LAMTOR1: variants seen among roughly 807,000 people sequenced by gnomAD.
LAMTOR1 encodes the protein late endosomal/lysosomal adaptor, MAPK and MTOR activator 1.
A neutral mutation model predicts 20.5 loss-of-function variants in LAMTOR1; 8 were observed. The ratio of observed to expected loss-of-function variants is 0.39; its 90% CI spans 0.23 to 0.70. LAMTOR1 has a LOEUF of 0.70. Among genes scored for constraint, LAMTOR1 ranks in the 30% least tolerant of loss-of-function variants. LAMTOR1 has a pLI of 0.43. For synonymous variants in LAMTOR1, 77 were observed against 80.9 expected (o/e 0.95, Z 0.26); for missense variants, 135 against 206.2 (o/e 0.65, Z 2.11).
Position 72,098,803 on chromosome 11 carries a change from T to G in LAMTOR1, c.244A>C (p.Met82Leu). The G allele has an allele frequency of 6.4e-7, 1 of 1,550,744 alleles. No homozygotes were observed. The highest frequency in any genetic ancestry group is 2.0e-5 in the Admixed American group (1 of 50,932). Residue 82 changes from methionine to leucine, a missense_variant, in exon 3 of 5, where the codon ATG becomes CTG. Coordinates refer to ENST00000278671, the MANE Select transcript of LAMTOR1 (RefSeq NM_017907.3). ...DSQGMEQHEY[M>L]DRARQYSTRL... ...CACCTGTACTGCCTGGCACGGTCCATGTACTCATGCTGCTCCATGCCCTGT... is the reference window on the plus strand; with the variant it reads ...CACCTGTACTGCCTGGCACGGTCCAGGTACTCATGCTGCTCCATGCCCTGT...
intron 4 of LAMTOR1, 174 bp from the exon 5 acceptor site, chr11:72,098,088 G>T: frequency 9.8e-7 from 1 of 1,025,072 alleles, no homozygotes; most frequent in Non-Finnish European, 1.4e-6. Context: ...AAAGGGGAGT[G>T]AAACAATAAA....
intron 1 of LAMTOR1, among the ~76,000 whole-genome samples, chr11:72,101,899 T>C (rs1351539343): frequency 9.2e-5 from 14 of 152,214 alleles, no homozygotes; most frequent in Admixed American, 9.2e-4. Context: ...GTCCATATTA[T>C]GCTTTAAGGG....
intron 1 of LAMTOR1, among the ~76,000 whole-genome samples, chr11:72,099,463 G>A (rs574470331): frequency 6.6e-5 from 10 of 152,346 alleles, no homozygotes; most frequent in African/African-American, 2.4e-4. Flanking sequence ...TAGGATAAAT[G>A]AGAGTGGAAC....
intron 1 of LAMTOR1, 71 bp downstream of exon 1, chr11:72,103,112 A>T (rs1320055654): frequency 6.5e-7 from 1 of 1,534,416 alleles, no homozygotes; most frequent in Non-Finnish European, 8.8e-7. Context: ...CGTCCTCCGC[A>T]GGTTTCTTTC....
At chr11:72,102,845 CAGA>C (rs1236824267) in intron 1 of LAMTOR1, among the ~76,000 whole-genome samples, 1 of 152,246 alleles carries the variant, frequency 6.6e-6, no homozygotes, top group Non-Finnish European at 1.5e-5. Flanking sequence ...CACTAATACA[CAGA>C]AGACACAGGA....
Position 72,099,142 on chromosome 11 carries a change from G to A in LAMTOR1, c.157C>T (p.Leu53=). The change falls in exon 2 of 5, where the codon CTG becomes TTG. Residue 53 remains leucine (L), a synonymous_variant. Coordinates refer to ENST00000278671, the MANE Select transcript of LAMTOR1 (RefSeq NM_017907.3). ...LPSARTDEQA[L]LSSILAKTAS... ...GTCTTGGCAAGGATGGAAGAGAGCA[G>A]GGCCTGCTCATCAGTGCGAGCGGAA... 1.9e-6 allele frequency: 3 copies of A among 1,614,010 alleles called. No individual in the cohort carries two copies. The highest frequency in any genetic ancestry group is 1.7e-6 in the Non-Finnish European group (2 of 1,179,978).
chr11:72,102,109 G>C (rs956766212), intron 1 of LAMTOR1, among the ~76,000 whole-genome samples: 1 of 152,192 alleles, frequency 6.6e-6, no homozygotes, highest in African/African-American at 2.4e-5. Context: ...ATTTTCCTAG[G>C]CTTAAGCCCT....
chr11:72,101,146 T>G (rs964498945), intron 1 of LAMTOR1, among the ~76,000 whole-genome samples: 2 of 152,200 alleles, frequency 1.3e-5, no homozygotes, highest in African/African-American at 2.4e-5. Flanking sequence ...CTTCTCAGCC[T>G]TCAGCTAAGA....
chr11:72,099,008 G>A (rs1416931768), intron 2 of LAMTOR1, 103 bp downstream of exon 2: 11 of 1,496,132 alleles, frequency 7.4e-6, no homozygotes, highest in Non-Finnish European at 1.0e-5. Context: ...CCTCTCCCCA[G>A]TGACCTTGTC....
At chr11:72,100,920 T>G (rs1477295715) in intron 1 of LAMTOR1, among the ~76,000 whole-genome samples, 2 of 152,180 alleles carry the variant, frequency 1.3e-5, no homozygotes, top group African/African-American at 4.8e-5. Flanking sequence ...ACACCCTTCC[T>G]CCCTAAATAC....
At chr11:72,099,367 G>A in intron 1 of LAMTOR1, 111 bp from the exon 2 acceptor site, 1 of 1,234,668 alleles carries the variant, frequency 8.1e-7, no homozygotes, top group Non-Finnish European at 1.1e-6. Flanking sequence ...GTTTCTATAA[G>A]GAATATCTAA....
chr11:72,103,212 A>G lies in LAMTOR1; in HGVS notation c.13T>C (p.Tyr5His). Residue 5 changes from tyrosine to histidine, a missense_variant, in exon 1 of 5, where the codon TAC becomes CAC. Tyr to His is a moderately conservative substitution (Grantham distance 83). Coordinates refer to ENST00000278671, the MANE Select transcript of LAMTOR1 (RefSeq NM_017907.3). ...TCCGAGTCCTCGTTCTCGCTGCTGT[A>G]GCAGCACCCCATGGCCGGGGTCGGG... MGCC[Y>H]SSENEDSDQD... 6.3e-7 allele frequency: 1 copy of G among 1,576,312 alleles called. No individual in the cohort carries two copies. Among genetic ancestry groups the G allele is most frequent in the Non-Finnish European group, 8.6e-7 (1 of 1,160,736 alleles).
Position 72,101,699 on chromosome 11 carries a change from T to C in LAMTOR1, c.42+1484A>G, listed in dbSNP as rs555642869. ...GTGGGATGGTGGATGGTTATGGCCC[T>C]TGCTACATGAGGCCTCAAATCACCC... On this transcript the variant is annotated intron_variant, in intron 1 of 4. Coordinates refer to ENST00000278671, the MANE Select transcript of LAMTOR1 (RefSeq NM_017907.3). Among the ~76,000 whole-genome samples, 15 of 152,292 alleles carry C rather than the reference T, an allele frequency of 9.8e-5. No homozygotes were observed. In the South Asian group the frequency reaches 2.7e-3, roughly 27 times the overall value.
At chr11:72,098,528 C>G in intron 3 of LAMTOR1, 113 bp from the exon 4 acceptor site, 2 of 1,326,134 alleles carry the variant, frequency 1.5e-6, no homozygotes, top group Admixed American at 2.3e-5. Flanking sequence ...GGAGGGGTAT[C>G]TGGGAGGGAA....
rs1945282792 is a variant in LAMTOR1, at chr11:72,097,825, T to C, written c.483A>G (p.Pro161=). 1.9e-6 allele frequency: 3 copies of C among 1,614,020 alleles called. No homozygotes were observed. The highest frequency in any genetic ancestry group is 2.5e-6 in the Non-Finnish European group (3 of 1,179,960). The change falls in exon 5 of 5, where the codon CCA becomes CCG. Residue 161 remains proline (P), a synonymous_variant. Coordinates refer to ENST00000278671, the MANE Select transcript of LAMTOR1 (RefSeq NM_017907.3). The part of the protein sequence containing the change: ...KEELVVQFGI[P] ...AGCTGTCCAAGGACCCCTCTCTTCA[T>C]GGGATCCCAAACTGTACAACCAGCT...
chr11:72,098,755 G>T, intron 3 of LAMTOR1, 26 bp downstream of exon 3: 1 of 1,503,012 alleles, frequency 6.7e-7, no homozygotes, highest in Non-Finnish European at 8.9e-7. Flanking sequence ...AGTAGCCTGA[G>T]GGACCCACGC....
rs1041812381 is a variant in LAMTOR1, at chr11:72,097,600, C to T, written c.*222G>A. ...GACATACCAGGCTCTGTCCTTTTGG[C>T]CCCCACCCCATCCCTGGCCAGAGCT... On this transcript the variant is annotated 3_prime_UTR_variant, in exon 5 of 5. Coordinates refer to ENST00000278671, the MANE Select transcript of LAMTOR1 (RefSeq NM_017907.3). The T allele has an allele frequency of 2.6e-5, 36 of 1,367,324 alleles. No homozygotes were observed. The African/African-American group carries it at 4.9e-4, about 19-fold the overall frequency. 84.7% of individuals were successfully genotyped at this position (1,367,324 alleles called of 1,614,324 possible). A position where few individuals can be genotyped will look rare whatever the true frequency, so the allele number is the denominator to read the frequency against.
intron 4 of LAMTOR1, 113 bp downstream of exon 4, chr11:72,098,176 C>CA: frequency 1.4e-6 from 2 of 1,404,708 alleles, no homozygotes; most frequent in South Asian, 2.5e-5. Flanking sequence ...ACAAGGCTAC[C>CA]AGGCTCCCTA....
rs565184157 is a variant in LAMTOR1 at position 72,098,228 on chromosome 11, C to A, written c.393+61G>T. On this transcript the variant is annotated intron_variant, in intron 4 of 4. Coordinates refer to ENST00000278671, the MANE Select transcript of LAMTOR1 (RefSeq NM_017907.3). ...CTCCTCTGAGGCAGAGTGGGTGAACCCTCTGCCATACCCTGGGCAGTGTGA... is the reference window on the plus strand; with the variant it reads ...CTCCTCTGAGGCAGAGTGGGTGAACACTCTGCCATACCCTGGGCAGTGTGA... The A allele has an allele frequency of 1.2e-4, 185 of 1,599,190 alleles. No individual in the cohort carries two copies. In the African/African-American group the frequency reaches 2.2e-3, roughly 19 times the overall value.
Sources: allele counts gnomAD v4.1 joint callset (sites outside exome capture counted in the v4.1 genomes callset), GRCh38; gene constraint gnomAD v4.1.1; transcripts MANE v1.5; gene names NCBI Gene and HGNC (gene_info 2026-07-23, HGNC 2026-07-21).